The following OLA1 variants were observed in gnomAD, a reference collection of about 807,000 sequenced individuals.
The protein encoded by OLA1 is Obg like ATPase 1, also known as obg-like ATPase 1.
In OLA1, 14 loss-of-function variants were observed where a neutral mutation model predicts 48.4. The observed-to-expected ratio is 0.29, with a 90% CI of 0.19 to 0.45. The LOEUF (loss-of-function observed/expected upper bound fraction) is 0.45. OLA1 is among the 20% of genes least tolerant of loss of function. The probability of loss-of-function intolerance (pLI) is 1.00; values close to 1 mark genes in which losing one functional copy is unlikely to be tolerated. For synonymous variants in OLA1, 127 were observed against 150.4 expected (o/e 0.84, Z 1.14); for missense variants, 325 against 467.1 (o/e 0.70, Z 2.80).
At chr2:174,156,522 T>C (rs1178840910) in intron 4 of OLA1, among the ~76,000 whole-genome samples, 1 of 152,014 alleles carries the variant, frequency 6.6e-6, no homozygotes, top group Admixed American at 6.6e-5. Context: ...TCTATGGAGA[T>C]TTTCAGAGAC....
intron 1 of OLA1, chr2:174,247,639 AC>A (rs1689155483): frequency 6.5e-7 from 1 of 1,549,760 alleles, no homozygotes; most frequent in South Asian, 1.2e-5. Flanking sequence ...TTCGCCCACA[AC>A]CCCCATTTTT....
intron 2 of OLA1, among the ~76,000 whole-genome samples, chr2:174,238,910 C>T (rs1417960850): frequency 6.6e-6 from 1 of 151,996 alleles, no homozygotes; most frequent in African/African-American, 2.4e-5. Flanking sequence ...TATAAGTGAA[C>T]ATAAAGGCTC....
chr2:174,085,020 A>C (rs1684937290), intron 7 of OLA1, among the ~76,000 whole-genome samples: 1 of 152,262 alleles, frequency 6.6e-6, no homozygotes, highest in Non-Finnish European at 1.5e-5. Flanking sequence ...CTGTCTGAGC[A>C]GATTACTGCA....
At chr2:174,112,908 C>T (rs1446540332) in intron 7 of OLA1, among the ~76,000 whole-genome samples, 1 of 152,138 alleles carries the variant, frequency 6.6e-6, no homozygotes, top group African/African-American at 2.4e-5. Context: ...ATTTCTATAA[C>T]ATCAACTCCC....
At chr2:174,144,949 A>ATAT (rs1328085797) in intron 4 of OLA1, among the ~76,000 whole-genome samples, 242 of 56,838 alleles carry the variant, frequency 4.3e-3, no homozygotes, top group African/African-American at 6.0e-3. Context: ...AAAAAAAAAA[A>ATAT]AAATATATAT....
intron 7 of OLA1, among the ~76,000 whole-genome samples, chr2:174,090,363 G>C (rs762028645): frequency 4.6e-5 from 7 of 152,134 alleles, no homozygotes; most frequent in Non-Finnish European, 8.8e-5. Context: ...TAGCAAAAAG[G>C]CTCCACTTAA....
intron 5 of OLA1, chr2:174,124,241 G>A (rs1289569426): frequency 4.4e-4 from 7 of 15,738 alleles, no homozygotes; most frequent in Non-Finnish European, 8.6e-4. Context: ...CCCACCCCCC[G>A]AACCTGCCAA....
intron 4 of OLA1, among the ~76,000 whole-genome samples, chr2:174,152,933 G>C (rs1490818895): frequency 1.3e-5 from 2 of 152,184 alleles, no homozygotes; most frequent in Non-Finnish European, 2.9e-5. Context: ...GTAGCCAGAA[G>C]AATGTGCTTT....
Position 174,075,268 on chromosome 2 carries a change from A to T in OLA1, c.*158T>A. On this transcript the variant is annotated 3_prime_UTR_variant, in exon 11 of 11. Transcript: ENST00000284719. ...CTGCATTTCATGGGGGGGGGGGGGT[A>T]CACAGTATTTTAATTTTAAAACAAA... is the stretch of plus-strand genomic sequence containing the variant. 1 of 484,508 alleles carries T rather than the reference A, an allele frequency of 2.1e-6. No individual in the cohort carries two copies. 30.0% of individuals were successfully genotyped at this position (484,508 alleles called of 1,614,324 possible). A position where few individuals can be genotyped will look rare whatever the true frequency, so the allele number is the denominator to read the frequency against.
intron 9 of OLA1, among the ~76,000 whole-genome samples, chr2:174,080,302 C>T (rs1684830089): frequency 6.6e-6 from 1 of 151,944 alleles, no homozygotes; most frequent in Admixed American, 6.6e-5. Flanking sequence ...CAAAGCACCA[C>T]TAAAATTTAT....
intron 4 of OLA1, among the ~76,000 whole-genome samples, chr2:174,146,315 G>A (rs577609027): frequency 6.6e-6 from 1 of 152,262 alleles, no homozygotes; most frequent in East Asian, 1.9e-4. Flanking sequence ...ATTTAAAGAG[G>A]ACACTTTAGC....
intron 4 of OLA1, among the ~76,000 whole-genome samples, chr2:174,161,028 G>T (rs531774554): frequency 6.6e-6 from 1 of 152,256 alleles, no homozygotes; most frequent in African/African-American, 2.4e-5. Flanking sequence ...GGTAATGGTG[G>T]AAAGATTATT....
intron 4 of OLA1, among the ~76,000 whole-genome samples, chr2:174,179,736 C>T (rs1473323438): frequency 6.6e-6 from 1 of 151,862 alleles, no homozygotes; most frequent in East Asian, 1.9e-4. Context: ...TTTTACTAAC[C>T]CAGACCTTAG....
At chr2:174,085,348 G>A (rs1422021306) in intron 7 of OLA1, among the ~76,000 whole-genome samples, 1 of 152,190 alleles carries the variant, frequency 6.6e-6, no homozygotes, top group Non-Finnish European at 1.5e-5. Flanking sequence ...GCCCTGCCTC[G>A]TGTCAGATCA....
intron 7 of OLA1, among the ~76,000 whole-genome samples, chr2:174,088,572 C>G (rs375036748): frequency 3.9e-5 from 6 of 152,178 alleles, no homozygotes; most frequent in African/African-American, 7.2e-5. Flanking sequence ...TTCAACACAT[C>G]TTTACTTTTA....
At chr2:174,194,149 G>A (rs1687834258) in intron 4 of OLA1, among the ~76,000 whole-genome samples, 1 of 152,166 alleles carries the variant, frequency 6.6e-6, no homozygotes, top group Non-Finnish European at 1.5e-5. Context: ...GAAGCCACGT[G>A]TCACCGCTGT....
intron 4 of OLA1, among the ~76,000 whole-genome samples, chr2:174,203,372 C>A (rs867631107): frequency 1.3e-5 from 2 of 152,078 alleles, no homozygotes; most frequent in Admixed American, 6.5e-5. Flanking sequence ...TAAAGATTAA[C>A]TGCAACACCC....
chr2:174,116,516 G>A (rs1192964051), intron 7 of OLA1, among the ~76,000 whole-genome samples: 1 of 152,182 alleles, frequency 6.6e-6, no homozygotes, highest in Non-Finnish European at 1.5e-5. Context: ...GAAACATGGT[G>A]AGATGCAGAA....
Position 174,075,166 on chromosome 2 carries a change from T to C in OLA1, c.*260A>G, listed in dbSNP as rs1231462575. ...TTAATGAAGTATCATGAGAGTAATA[T>C]GGTTCCTGAAAAGCTTCTACAATTT... is the stretch of plus-strand genomic sequence containing the variant. On this transcript the variant is annotated 3_prime_UTR_variant, in exon 11 of 11. Transcript: ENST00000284719. 2.7e-6 allele frequency: 1 copy of C among 373,890 alleles called. No individual in the cohort carries two copies. The highest frequency in any genetic ancestry group is 4.9e-6 in the Non-Finnish European group (1 of 204,350). The allele number at this position is 373,890 out of a possible 1,614,324, so 23.2% of individuals were successfully genotyped here. A position where few individuals can be genotyped will look rare whatever the true frequency, so the allele number is the denominator to read the frequency against.
Sources: allele counts gnomAD v4.1 joint callset (sites outside exome capture counted in the v4.1 genomes callset), GRCh38; gene constraint gnomAD v4.1.1; transcripts MANE v1.5; gene names NCBI Gene and HGNC (gene_info 2026-07-23, HGNC 2026-07-21).